Variants in PDE11A observed in about 807,000 individuals in gnomAD.
PDE11A encodes the protein phosphodiesterase 11A, also known as dual 3',5'-cyclic-AMP and -GMP phosphodiesterase 11A.
In PDE11A, 100 loss-of-function variants were observed where a neutral mutation model predicts 100.5. The observed-to-expected ratio is 1.00, with a 90% CI of 0.85 to 1.18. The LOEUF is 1.18. PDE11A is among the 50% of genes most tolerant of loss of function. PDE11A has a pLI of 0.00. For missense variants in PDE11A, 1,141 were observed against 1,152.6 expected (o/e 0.99, Z 0.15); for synonymous variants, 381 against 420.8 (o/e 0.91, Z 1.16).
intron 16 of PDE11A, 41 bp from the exon 17 acceptor site, chr2:177,675,559 T>C (rs2080759548): frequency 6.6e-7 from 1 of 1,523,496 alleles, no homozygotes; most frequent in African/African-American, 1.4e-5. Context: ...AATAATCTTT[T>C]GTTGCATTCC....
At chr2:177,858,401 GAA>G (rs202199119) in intron 5 of PDE11A, among the ~76,000 whole-genome samples, 5,886 of 140,452 alleles carry the variant, frequency 0.042, 178 homozygotes, top group Middle Eastern at 0.065. Context: ...AAATTTACAA[GAA>G]AAAAAAAAAA....
At chr2:177,829,656 G>A (rs1285638844) in intron 6 of PDE11A, among the ~76,000 whole-genome samples, 7 of 148,280 alleles carry the variant, frequency 4.7e-5, no homozygotes, top group East Asian at 2.0e-4. Flanking sequence ...GTTTCACCAC[G>A]TTAGCCAGGA....
At chr2:177,651,500 A>G (rs1392630547) in intron 19 of PDE11A, among the ~76,000 whole-genome samples, 2 of 152,204 alleles carry the variant, frequency 1.3e-5, no homozygotes, top group African/African-American at 2.4e-5. Context: ...GCCAGTGGTG[A>G]TCACCATAAA....
chr2:178,071,446 C>T, intron 1 of PDE11A, 80 bp downstream of exon 1: 1 of 1,588,842 alleles, frequency 6.3e-7, no homozygotes, highest in Non-Finnish European at 8.6e-7. Context: ...TTAATGTGTT[C>T]CTGGATGCCA....
chr2:177,648,456 ATCT>A (rs965430080), intron 19 of PDE11A, among the ~76,000 whole-genome samples: 36 of 152,322 alleles, frequency 2.4e-4, no homozygotes, highest in African/African-American at 7.5e-4. Context: ...AACATTTTCT[ATCT>A]TTTAAATGTT....
intron 15 of PDE11A, among the ~76,000 whole-genome samples, chr2:177,694,095 AC>A (rs1170416919): frequency 1.3e-5 from 2 of 152,226 alleles, no homozygotes; most frequent in African/African-American, 4.8e-5. Flanking sequence ...TGAAAAGAGA[AC>A]AAGCCAGCTT....
chr2:177,718,121 A>C (rs1307004637), intron 12 of PDE11A, among the ~76,000 whole-genome samples: 2 of 152,254 alleles, frequency 1.3e-5, no homozygotes, highest in Non-Finnish European at 2.9e-5. Context: ...TGTCAACAAC[A>C]GTTAACTTTT....
intron 9 of PDE11A, among the ~76,000 whole-genome samples, chr2:177,771,054 C>T (rs111387455): frequency 0.11 from 16,183 of 152,162 alleles, 1,187 homozygotes; most frequent in East Asian, 0.22. Context: ...GTCTGAAACT[C>T]CTGGGTTCAA....
intron 2 of PDE11A, among the ~76,000 whole-genome samples, chr2:178,088,297 G>A (rs1450698121): frequency 6.6e-6 from 1 of 152,196 alleles, no homozygotes; most frequent in African/African-American, 2.4e-5. Flanking sequence ...TGATGAGGAG[G>A]AAGAATAAGC....
intron 2 of PDE11A, among the ~76,000 whole-genome samples, chr2:177,945,839 C>A (rs1288526381): frequency 0.021 from 2,209 of 104,680 alleles, no homozygotes; most frequent in Admixed American, 0.027. Context: ...GGGGGTCAGC[C>A]CCCCGCCTGG....
intron 1 of PDE11A, among the ~76,000 whole-genome samples, chr2:178,050,093 G>A (rs895931219): frequency 5.9e-5 from 9 of 151,416 alleles, no homozygotes; most frequent in South Asian, 2.1e-4. Flanking sequence ...ACTGGGAGGC[G>A]CCTCCCAGTA....
intron 10 of PDE11A, among the ~76,000 whole-genome samples, chr2:177,754,369 A>G (rs953434207): frequency 6.6e-6 from 1 of 152,162 alleles, no homozygotes; most frequent in African/African-American, 2.4e-5. Context: ...AAAACAAAAA[A>G]CAAAAAAACT....
rs377486110 is a variant in PDE11A at position 177,805,090 on chromosome 2, A to ATAT, written c.1737+11738_1737+11739insATA. Among the ~76,000 whole-genome samples, 17 of 134,682 alleles carry ATAT rather than the reference A, an allele frequency of 1.3e-4. No homozygotes were observed. The East Asian group carries it at 2.7e-3, about 22-fold the overall frequency. The allele number at this position is 134,682 out of a possible 152,430, so 88.4% of individuals were successfully genotyped here. A position where few individuals can be genotyped will look rare whatever the true frequency, so the allele number is the denominator to read the frequency against. On this transcript the variant is annotated intron_variant, in intron 9 of 19. Transcript: ENST00000286063. ...CCCTAAATATATTTTTTAATTAAAA[A>ATAT]ATATATATATATTTAGATGTATGTA... is the stretch of plus-strand genomic sequence containing the variant.
At position 177,697,394 on chromosome 2, in the gene PDE11A, A is replaced by G. The variant is rs773762829; in HGVS notation, c.2283T>C (p.Tyr761=). Residue 761 remains tyrosine (Y), a synonymous_variant, in exon 15 of 20, where the codon TAT becomes TAC. Transcript: ENST00000286063. ...GCTTCAAAAGCTGCATAAGGTCACT[A>G]TATTCCTTGGAGGACAGGTTAGCAA... ...NIFANLSSKE[Y]SDLMQLLKQS... 1 of 1,600,384 alleles carries G rather than the reference A, an allele frequency of 6.2e-7. No individual in the cohort carries two copies. The highest frequency in any genetic ancestry group is 1.1e-5 in the South Asian group (1 of 90,814).
At chr2:177,884,834 G>A (rs147612347) in intron 4 of PDE11A, among the ~76,000 whole-genome samples, 1 of 152,280 alleles carries the variant, frequency 6.6e-6, no homozygotes, top group East Asian at 1.9e-4. Flanking sequence ...GAGTGAGAAG[G>A]AAGGGCTAGA....
rs550873149 is a variant in PDE11A at position 177,664,037 on chromosome 2, T to C, written c.2563-88A>G. The C allele has an allele frequency of 1.4e-5, 11 of 784,158 alleles. 1 individual carries two copies. The highest frequency in any genetic ancestry group is 1.3e-4 in the Admixed American group (7 of 52,780). 48.6% of individuals were successfully genotyped at this position (784,158 alleles called of 1,614,324 possible). A position where few individuals can be genotyped will look rare whatever the true frequency, so the allele number is the denominator to read the frequency against. On this transcript the variant is annotated intron_variant, in intron 18 of 19. Coordinates refer to ENST00000286063, the MANE Select transcript of PDE11A (RefSeq NM_016953.4). ...TCAAACACTTTGCTAGAATGATCCA[T>C]TTTTTTTACAAACTGAACCCTTCGC...
chr2:178,083,045 T>A (rs1259404037), intron 2 of PDE11A, among the ~76,000 whole-genome samples: 2 of 152,112 alleles, frequency 1.3e-5, no homozygotes, highest in African/African-American at 4.8e-5. Context: ...TTTCTGCTAG[T>A]TAGGGCTAAT....
intron 2 of PDE11A, chr2:177,998,601 G>A: frequency 7.7e-7 from 1 of 1,298,452 alleles, no homozygotes; most frequent in Non-Finnish European, 1.1e-6. Flanking sequence ...AGCCAATTCT[G>A]TAAAATGCTT....
intron 5 of PDE11A, among the ~76,000 whole-genome samples, chr2:177,849,789 C>CAAAAAAAAA (rs71010822): frequency 7.0e-6 from 1 of 143,524 alleles, no homozygotes. Context: ...GACTCCATCT[C>CAAAAAAAAA]AAAAAAAAAA....
Sources: allele counts gnomAD v4.1 joint callset (sites outside exome capture counted in the v4.1 genomes callset), GRCh38; gene constraint gnomAD v4.1.1; transcripts MANE v1.5; gene names NCBI Gene and HGNC (gene_info 2026-07-23, HGNC 2026-07-21).